Variants in JMJD1C observed in about 807,000 individuals in gnomAD.
The protein encoded by JMJD1C is jumonji domain-containing protein 1C.
Under a neutral mutation model 245.3 loss-of-function variants are expected in JMJD1C, and 31 were observed. That is an observed-to-expected ratio of 0.13 (90% CI 0.09 to 0.17). The LOEUF (loss-of-function observed/expected upper bound fraction) is 0.17, where lower values mean the gene tolerates loss of function less well. JMJD1C is among the 10% of genes least tolerant of loss of function. JMJD1C has a pLI of 1.00. For synonymous variants in JMJD1C, 1,057 were observed against 1,017.4 expected (o/e 1.04, Z -0.74); for missense variants, 2,691 against 3,000.2 (o/e 0.90, Z 2.41).
At chr10:63,454,465 C>T (rs542622142) in intron 1 of JMJD1C, among the ~76,000 whole-genome samples, 2 of 152,074 alleles carry the variant, frequency 1.3e-5, no homozygotes, top group African/African-American at 4.8e-5. Flanking sequence ...ACTCTGTTGC[C>T]CAAGCTGGAG....
chr10:63,241,049 C>T (rs1049990289), intron 3 of JMJD1C, among the ~76,000 whole-genome samples: 12 of 152,118 alleles, frequency 7.9e-5, no homozygotes, highest in Admixed American at 2.6e-4. Flanking sequence ...TGAGAAGTGG[C>T]GGTATTATAA....
At chr10:63,267,113 A>T (rs1422958045) in intron 2 of JMJD1C, among the ~76,000 whole-genome samples, 1 of 152,210 alleles carries the variant, frequency 6.6e-6, no homozygotes, top group Non-Finnish European at 1.5e-5. Flanking sequence ...GAGTACTTAT[A>T]ATCATTTACA....
intron 1 of JMJD1C, among the ~76,000 whole-genome samples, chr10:63,500,315 T>C (rs1166094959): frequency 6.6e-6 from 1 of 151,804 alleles, no homozygotes; most frequent in Non-Finnish European, 1.5e-5. Flanking sequence ...CCCAGCCACT[T>C]GGGAGGCTGA....
intron 1 of JMJD1C, among the ~76,000 whole-genome samples, chr10:63,486,709 C>T (rs992699121): frequency 1.3e-5 from 2 of 152,154 alleles, no homozygotes; most frequent in African/African-American, 4.8e-5. Context: ...AACTGCATGA[C>T]TTTCTCCAAA....
At chr10:63,500,957 T>C (rs1403746495) in intron 1 of JMJD1C, among the ~76,000 whole-genome samples, 3 of 152,218 alleles carry the variant, frequency 2.0e-5, no homozygotes, top group Non-Finnish European at 4.4e-5. Flanking sequence ...ATGTTTTTCC[T>C]CTGTATATCA....
chr10:63,217,015 T>A (rs539718446), intron 5 of JMJD1C, among the ~76,000 whole-genome samples, 192 bp downstream of exon 5: 8 of 152,196 alleles, frequency 5.3e-5, no homozygotes, highest in Non-Finnish European at 1.0e-4. Flanking sequence ...TGAAATAAAT[T>A]GAGCATTGCT....
chr10:63,209,095 T>C lies in JMJD1C; in HGVS notation c.2835A>G (p.Pro945=). The change falls in exon 9 of 26, where the codon CCA becomes CCG. Residue 945 remains proline (P), a synonymous_variant. Transcript: ENST00000399262. ...PLKITAHSSP[P]LTKTLVDHHK... ...GATGATCTACTAAAGTTTTTGTCAATGGTGGACTGGAATGGGCTGTAATTT... is the reference window on the plus strand; with the variant it reads ...GATGATCTACTAAAGTTTTTGTCAACGGTGGACTGGAATGGGCTGTAATTT... 1 of 1,613,766 alleles carries C rather than the reference T, an allele frequency of 6.2e-7. No individual in the cohort carries two copies. Among genetic ancestry groups the C allele is most frequent in the Admixed American group, 1.7e-5 (1 of 59,974 alleles).
intron 2 of JMJD1C, among the ~76,000 whole-genome samples, chr10:63,335,025 AAAAAAT>A (rs1237660557): frequency 0.011 from 1,568 of 148,560 alleles, 49 homozygotes; most frequent in African/African-American, 0.035. Context: ...TGTCTTTGGA[AAAAAAT>A]AAAAAAAAAA....
chr10:63,261,767 A>C (rs1424634696), intron 3 of JMJD1C, among the ~76,000 whole-genome samples: 1 of 152,244 alleles, frequency 6.6e-6, no homozygotes, highest in Non-Finnish European at 1.5e-5. Context: ...ATGAAGAATA[A>C]GGCTGTGCAA....
chr10:63,333,744 C>T (rs140482820), intron 2 of JMJD1C, among the ~76,000 whole-genome samples: 14 of 152,096 alleles, frequency 9.2e-5, no homozygotes, highest in East Asian at 5.8e-4. Context: ...TGTAAAAAAA[C>T]GAAGAAAAGG....
chr10:63,209,142 C>T lies in JMJD1C; in HGVS notation c.2788G>A (p.Ala930Thr), dbSNP rs746714956. Residue 930 changes from alanine (A) to threonine (T), a missense_variant, in exon 9 of 26, where the codon GCA becomes ACA. By Grantham distance (58) the Ala-to-Thr change is moderately conservative (BLOSUM62 0). Transcript: ENST00000399262. ...ATTTTAAGAGGCCGATGAGGCTCTG[C>T]ACTGGAAGGTCTGACAGGAATGTGA... ...LSHIPVRPSS[A>T]EPHRPLKITA... 3 of 1,613,834 alleles carry T rather than the reference C, an allele frequency of 1.9e-6. No homozygotes were observed. Among genetic ancestry groups the T allele is most frequent in the African/African-American group, 1.3e-5 (1 of 74,904 alleles).
intron 3 of JMJD1C, among the ~76,000 whole-genome samples, chr10:63,245,773 AG>A (rs1481736731): frequency 6.6e-6 from 1 of 152,030 alleles, no homozygotes; most frequent in Non-Finnish European, 1.5e-5. Context: ...GTGAGCCACC[AG>A]CCCGGCCGGG....
chr10:63,456,217 A>C (rs989770312), intron 1 of JMJD1C, among the ~76,000 whole-genome samples: 5 of 152,116 alleles, frequency 3.3e-5, no homozygotes, highest in African/African-American at 1.2e-4. Flanking sequence ...TGGCAATAAA[A>C]TGTTCTAGCG....
chr10:63,169,564 G>C (rs1355897787), intron 24 of JMJD1C, among the ~76,000 whole-genome samples: 1 of 152,106 alleles, frequency 6.6e-6, no homozygotes. Flanking sequence ...TTGATGATAG[G>C]GTGATGGAAT....
At chr10:63,360,624 G>C (rs1468592618) in intron 2 of JMJD1C, among the ~76,000 whole-genome samples, 2 of 152,104 alleles carry the variant, frequency 1.3e-5, no homozygotes, top group Non-Finnish European at 2.9e-5. Context: ...AAAATGATTA[G>C]AAATCACTAA....
At chr10:63,424,091 T>C (rs900926187) in intron 1 of JMJD1C, among the ~76,000 whole-genome samples, 2 of 152,202 alleles carry the variant, frequency 1.3e-5, no homozygotes, top group Non-Finnish European at 2.9e-5. Flanking sequence ...AATGGATTTT[T>C]AGAGACAAGA....
intron 1 of JMJD1C, among the ~76,000 whole-genome samples, chr10:63,423,332 C>T (rs923414171): frequency 1.3e-5 from 2 of 152,126 alleles, no homozygotes; most frequent in Non-Finnish European, 2.9e-5. Flanking sequence ...ATTCTCATCT[C>T]CCCCCATCCC....
At chr10:63,229,807 T>G (rs1027680194) in intron 3 of JMJD1C, among the ~76,000 whole-genome samples, 1 of 152,256 alleles carries the variant, frequency 6.6e-6, no homozygotes, top group East Asian at 1.9e-4. Context: ...TAATATTCTT[T>G]GCATTCGAGT....
chr10:63,300,687 T>A (rs569716611), intron 2 of JMJD1C, among the ~76,000 whole-genome samples: 1 of 151,320 alleles, frequency 6.6e-6, no homozygotes, highest in Non-Finnish European at 1.5e-5. Flanking sequence ...GGCCAAAGAG[T>A]TCAAGACCAG....
Sources: allele counts gnomAD v4.1 joint callset (sites outside exome capture counted in the v4.1 genomes callset), GRCh38; gene constraint gnomAD v4.1.1; transcripts MANE v1.5; gene names NCBI Gene and HGNC (gene_info 2026-07-23, HGNC 2026-07-21).